Variants in ZNF518A observed in about 807,000 individuals in gnomAD.
The protein encoded by ZNF518A is zinc finger protein 518A.
A neutral mutation model predicts 102.7 loss-of-function variants in ZNF518A; 47 were observed. That is an observed-to-expected ratio of 0.46 (90% CI 0.36 to 0.58). ZNF518A has a LOEUF of 0.58. Among genes scored for constraint, ZNF518A ranks in the 20% least tolerant of loss-of-function variants. ZNF518A has a pLI of 0.00. For missense variants in ZNF518A, 1,793 were observed against 1,699.8 expected (o/e 1.05, Z -0.96); for synonymous variants, 652 against 594.6 (o/e 1.10, Z -1.40).
intron 1 of ZNF518A, among the ~76,000 whole-genome samples, chr10:96,188,202 T>C (rs1271788086): frequency 2.0e-5 from 3 of 152,216 alleles, no homozygotes; most frequent in African/African-American, 7.2e-5. Flanking sequence ...AGGTGGGCTT[T>C]AGAGAAGCAG....
Position 96,160,032 on chromosome 10 carries a change from C to G in ZNF518A, c.3710C>G (p.Thr1237Arg). The change falls in exon 6 of 6, where the codon ACA becomes AGA. Residue 1237 changes from threonine (T) to arginine (R), a missense_variant. Coordinates refer to ENST00000316045, the MANE Select transcript of ZNF518A (RefSeq NM_001330736.2). ...GAGTCCAGGGTATTAAGGTGTAAAA[C>G]AAATTGTAGAATTGAGAGGAACTTC... ...CSESRVLRCK[T>R]NCRIERNFNR... The G allele has an allele frequency of 6.2e-7, 1 of 1,611,212 alleles. No individual in the cohort carries two copies. Among genetic ancestry groups the G allele is most frequent in the Non-Finnish European group, 8.5e-7 (1 of 1,179,106 alleles).
At chr10:96,129,747 A>G (rs2081228368), upstream of ZNF518A, 1 of 152,266 alleles carries the variant, frequency 6.6e-6, no homozygotes, top group South Asian at 2.1e-4. Flanking sequence ...GGGCTTGGGA[A>G]GTGCATACAG....
At chr10:96,180,345 A>G (rs1441902250) in intron 1 of ZNF518A, among the ~76,000 whole-genome samples, 1 of 150,210 alleles carries the variant, frequency 6.7e-6, no homozygotes, top group Non-Finnish European at 1.5e-5. Flanking sequence ...CAATTTTTTC[A>G]TCTTTTTTTT....
At chr10:96,173,925 TAG>T (rs2083188299) in intron 1 of ZNF518A, among the ~76,000 whole-genome samples, 1 of 152,110 alleles carries the variant, frequency 6.6e-6, no homozygotes, top group South Asian at 2.1e-4. Flanking sequence ...CCAACCACAA[TAG>T]AATTAAATTA....
At chr10:96,149,693 A>G (rs2082338081) in intron 3 of ZNF518A, among the ~76,000 whole-genome samples, 1 of 152,074 alleles carries the variant, frequency 6.6e-6, no homozygotes, top group South Asian at 2.1e-4. Flanking sequence ...CAGTATCCAA[A>G]ATTTTGTTGC....
chr10:96,182,079 A>G (rs1180963893), intron 1 of ZNF518A, among the ~76,000 whole-genome samples: 3 of 151,844 alleles, frequency 2.0e-5, no homozygotes, highest in African/African-American at 7.3e-5. Context: ...ATTCCTAGGT[A>G]TTTTCTTCTC....
intron 3 of ZNF518A, among the ~76,000 whole-genome samples, chr10:96,145,801 C>A (rs1201248816): frequency 6.6e-6 from 1 of 152,206 alleles, no homozygotes; most frequent in Admixed American, 6.5e-5. Flanking sequence ...GAATTTGCAT[C>A]ATGCCACTTT....
At chr10:96,186,821 C>A (rs113744228) in intron 1 of ZNF518A, among the ~76,000 whole-genome samples, 1 of 152,198 alleles carries the variant, frequency 6.6e-6, no homozygotes. Context: ...AAATAACTTG[C>A]GCTAAACCAT....
chr10:96,197,450 A>G (rs587607708), intron 1 of ZNF518A, among the ~76,000 whole-genome samples: 4 of 152,282 alleles, frequency 2.6e-5, no homozygotes, highest in Admixed American at 1.3e-4. Flanking sequence ...GACTACTGGC[A>G]TGCACCACCA....
chr10:96,169,310 C>T (rs1424651015), intron 1 of ZNF518A, among the ~76,000 whole-genome samples: 3 of 152,204 alleles, frequency 2.0e-5, no homozygotes, highest in African/African-American at 7.2e-5. Context: ...TGGCCATATG[C>T]TGATATTCTT....
At position 96,158,215 on chromosome 10, in the gene ZNF518A, C is replaced by T. The variant is rs1554884361; in HGVS notation, c.1893C>T (p.Ser631=). The part of the protein sequence containing the change: ...NYGNCELPVE[S]SNQGSLPFHN... The stretch of plus-strand genomic sequence containing the variant: ...GCAACTGTGAGTTACCTGTTGAATC[C>T]TCCAACCAAGGATCATTACCTTTTC... The change falls in exon 6 of 6, where the codon TCC becomes TCT. Residue 631 remains serine, a synonymous_variant. Coordinates refer to ENST00000316045, the MANE Select transcript of ZNF518A (RefSeq NM_001330736.2). 3 of 1,613,684 alleles carry T rather than the reference C, an allele frequency of 1.9e-6. No homozygotes were observed. Among genetic ancestry groups the T allele is most frequent in the Non-Finnish European group, 2.5e-6 (3 of 1,179,730 alleles).
rs1173470013 is a variant in ZNF518A, at chr10:96,200,155, C to G, written n.36-3419C>G. On this transcript the variant is annotated intron_variant and non_coding_transcript_variant, in intron 1 of 2. Transcript: ENST00000442635. This position sits in a 1 kb window ranked among gnomAD's most constrained non-coding sequence, Gnocchi z 4.3. ...TACCATGGCTTGCAGAGAACGCCAGCTTCCTGTGAAATGGAGGGCACTGGT... is the reference window on the plus strand; with the variant it reads ...TACCATGGCTTGCAGAGAACGCCAGGTTCCTGTGAAATGGAGGGCACTGGT... The G allele has an allele frequency of 6.2e-7, 1 of 1,613,898 alleles. No homozygotes were observed. The highest frequency in any genetic ancestry group is 8.5e-7 in the Non-Finnish European group (1 of 1,179,950).
chr10:96,144,106 C>T (rs1202115831), intron 3 of ZNF518A, among the ~76,000 whole-genome samples: 1 of 152,100 alleles, frequency 6.6e-6, no homozygotes, highest in East Asian at 1.9e-4. Flanking sequence ...CCATCTCAGC[C>T]TCCCGAGTAG....
Position 96,158,895 on chromosome 10 carries a change from A to G in ZNF518A, c.2573A>G (p.Lys858Arg). The part of the protein sequence containing the change: ...INVPTNDLNL[K>R]FGKEKQVSSI... ...GTGCCTACAAATGATTTGAATTTGA[A>G]ATTTGGAAAAGAAAAACAAGTGTCA... Residue 858 changes from lysine to arginine, a missense_variant, in exon 6 of 6, where the codon AAA (lysine) becomes AGA (arginine). By Grantham distance (26) the Lys-to-Arg change is conservative. Transcript: ENST00000316045. The G allele has an allele frequency of 6.2e-7, 1 of 1,613,724 alleles. No individual in the cohort carries two copies. Among genetic ancestry groups the G allele is most frequent in the Non-Finnish European group, 8.5e-7 (1 of 1,179,722 alleles).
chr10:96,192,010 T>C (rs782660063), intron 1 of ZNF518A: 6 of 1,613,726 alleles, frequency 3.7e-6, no homozygotes, highest in Non-Finnish European at 5.1e-6. Flanking sequence ...TCTGGTGGAA[T>C]CTTTTGTGTT....
intron 3 of ZNF518A, among the ~76,000 whole-genome samples, chr10:96,134,692 C>T (rs587713604): frequency 6.6e-6 from 1 of 152,324 alleles, no homozygotes; most frequent in South Asian, 2.1e-4. Context: ...ATTAATTTAT[C>T]TTGAAAACTT....
At chr10:96,166,612 C>CA (rs201159926), downstream of ZNF518A, among the ~76,000 whole-genome samples, 1,958 of 152,114 alleles carry the variant, frequency 0.013, 41 homozygotes, top group East Asian at 0.1. Flanking sequence ...CCTAAAAATA[C>CA]AAAAAAATAG....
intron 3 of ZNF518A, among the ~76,000 whole-genome samples, chr10:96,152,554 C>G (rs782782848): frequency 2.0e-5 from 3 of 152,178 alleles, no homozygotes; most frequent in African/African-American, 7.2e-5. Flanking sequence ...CAGAAAGATA[C>G]ATACACAGTC....
At chr10:96,202,722 G>A (rs772786113) in intron 1 of ZNF518A, among the ~76,000 whole-genome samples, 28 of 152,200 alleles carry the variant, frequency 1.8e-4, no homozygotes, top group Non-Finnish European at 2.9e-4. Flanking sequence ...AGGTGAGTGA[G>A]TGAACAGACT....
Sources: gnomAD v4.1 joint callset for allele counts (sites outside exome capture counted in the v4.1 genomes callset) on GRCh38, gnomAD v4.1.1 for gene constraint, Gnocchi (gnomAD v3.1) non-coding constraint, MANE v1.5 for transcripts, NCBI Gene and HGNC (gene_info 2026-07-23, HGNC 2026-07-21) for gene names.